CADM2: variants seen among roughly 807,000 people sequenced by gnomAD.
The protein encoded by CADM2 is cell adhesion molecule 2.
A neutral mutation model predicts 49.8 loss-of-function variants in CADM2; 12 were observed. The ratio of observed to expected loss-of-function variants is 0.24; its 90% CI spans 0.15 to 0.39. The LOEUF is 0.39. Among genes scored for constraint, CADM2 ranks in the 10% least tolerant of loss-of-function variants. The pLI is 1.00. For synonymous variants in CADM2, 214 were observed against 175.4 expected, an observed-to-expected ratio of 1.22 and a Z score of -1.74; for missense variants, 378 against 492.3, an observed-to-expected ratio of 0.77 and a Z score of 2.20.
chr3:85,492,039 T>C (rs1249603292), intron 1 of CADM2, among the ~76,000 whole-genome samples: 1 of 152,160 alleles, frequency 6.6e-6, no homozygotes, highest in African/African-American at 2.4e-5. Context: ...ATTGCTCTTT[T>C]CATCATAGTT....
At chr3:85,953,695 A>G (rs1723716367) in intron 7 of CADM2, among the ~76,000 whole-genome samples, 1 of 151,046 alleles carries the variant, frequency 6.6e-6, no homozygotes, top group Non-Finnish European at 1.5e-5. Context: ...ACCACAGAGC[A>G]GATATTTATT....
intron 3 of CADM2, among the ~76,000 whole-genome samples, chr3:85,862,230 C>T (rs1189907952): frequency 6.6e-6 from 1 of 152,084 alleles, no homozygotes; most frequent in Non-Finnish European, 1.5e-5. Context: ...TTTTGGTCCT[C>T]TCAATTAGGA....
intron 8 of CADM2, chr3:86,013,490 A>C: frequency 6.2e-7 from 1 of 1,603,314 alleles, no homozygotes; most frequent in Non-Finnish European, 8.5e-7. Flanking sequence ...AGGTTCTGAG[A>C]AAGCGCTTTG....
intron 6 of CADM2, among the ~76,000 whole-genome samples, chr3:85,931,661 T>A (rs1322632927): frequency 6.6e-6 from 1 of 152,098 alleles, no homozygotes; most frequent in Non-Finnish European, 1.5e-5. Context: ...GAATTAAGAT[T>A]TTAAAAATAC....
chr3:85,807,431 A>G (rs2072509213), intron 3 of CADM2, among the ~76,000 whole-genome samples: 1 of 149,136 alleles, frequency 6.7e-6, no homozygotes, highest in Non-Finnish European at 1.5e-5. Context: ...CTGTGGAGGC[A>G]GAGGTTGCAG....
chr3:85,405,160 C>T (rs897981518), intron 1 of CADM2, among the ~76,000 whole-genome samples: 20 of 152,014 alleles, frequency 1.3e-4, no homozygotes, highest in African/African-American at 4.3e-4. Context: ...GCCTTGCTTA[C>T]CCTGAAAGGC....
In CADM2 at chr3:85,863,964, G is replaced by A. The variant is rs1157182372; in HGVS notation, c.239-19327G>A. The stretch of plus-strand genomic sequence containing the variant: ...TTGGTGGTCAGCAAGTAGCATGTGT[G>A]GAATATGGAAGGGCTGCGTGTATTG... On this transcript the variant is annotated intron_variant, in intron 3 of 9. Transcript: ENST00000383699. 3.9e-5 allele frequency among the ~76,000 whole-genome samples: 6 copies of A among 152,088 alleles called. No homozygotes were observed. The South Asian group carries it at 1.0e-3, about 26-fold the overall frequency.
chr3:85,371,027 G>A (rs1470071410), intron 1 of CADM2, among the ~76,000 whole-genome samples: 1 of 152,054 alleles, frequency 6.6e-6, no homozygotes, highest in African/African-American at 2.4e-5. Context: ...TTATACAGGT[G>A]TATAACGTGT....
intron 1 of CADM2, among the ~76,000 whole-genome samples, chr3:85,046,466 GT>G (rs1484264426): frequency 6.6e-6 from 1 of 151,606 alleles, no homozygotes; most frequent in East Asian, 1.9e-4. Flanking sequence ...ATCTTATAAA[GT>G]GTAAAACACA....
At chr3:85,568,396 C>CCTCTTTCTTTCTTTCTCTCT (rs2062335054) in intron 1 of CADM2, among the ~76,000 whole-genome samples, 1 of 102,564 alleles carries the variant, frequency 9.8e-6, no homozygotes, top group African/African-American at 3.0e-5. Context: ...TTCCTTCCTC[C>CCTCTTTCTTTCTTTCTCTCT]CTCTTTCTTT....
intron 3 of CADM2, among the ~76,000 whole-genome samples, chr3:85,880,827 C>T (rs146872903): frequency 3.3e-5 from 5 of 152,256 alleles, no homozygotes; most frequent in African/African-American, 4.8e-5. Context: ...GCTAGCTTTT[C>T]GAAGTTTCCT....
chr3:85,069,403 T>C lies in CADM2; in HGVS notation c.61+109735T>C, dbSNP rs2036641378. 3.9e-5 allele frequency among the ~76,000 whole-genome samples: 6 copies of C among 152,264 alleles called. No individual in the cohort carries two copies. The South Asian group carries it at 1.2e-3, about 32-fold the overall frequency. ...TAATATTTTTTGTCAAAAAGTACTT[T>C]TGCATATTATGCATGTGTAATCAAA... is the stretch of plus-strand genomic sequence containing the variant. On this transcript the variant is annotated intron_variant, in intron 1 of 9. Transcript: ENST00000383699.
intron 4 of CADM2, 44 bp downstream of exon 4, chr3:85,883,487 G>A (rs1488642940): frequency 6.7e-7 from 1 of 1,499,422 alleles, no homozygotes; most frequent in Non-Finnish European, 9.1e-7. Flanking sequence ...AAACCAGAAT[G>A]ATATATATTG....
At chr3:85,228,156 C>T (rs566169310) in intron 1 of CADM2, among the ~76,000 whole-genome samples, 6 of 152,108 alleles carry the variant, frequency 3.9e-5, no homozygotes, top group Non-Finnish European at 2.9e-5. Flanking sequence ...ATTTCCTCAA[C>T]TTGAATGTTG....
At chr3:85,215,116 G>A (rs13078384) in intron 1 of CADM2, among the ~76,000 whole-genome samples, 34,103 of 152,004 alleles carry the variant, frequency 0.22, 4,891 homozygotes, top group Non-Finnish European at 0.32. Context: ...CCCATGGGGA[G>A]TAATGCCTGG....
chr3:85,561,501 C>A (rs972867055), intron 1 of CADM2, among the ~76,000 whole-genome samples: 1 of 152,100 alleles, frequency 6.6e-6, no homozygotes, highest in Non-Finnish European at 1.5e-5. Context: ...AGACTCCCCG[C>A]TTTTTAACAA....
At chr3:86,058,043 T>A (rs1738201428) in intron 8 of CADM2, among the ~76,000 whole-genome samples, 1 of 152,176 alleles carries the variant, frequency 6.6e-6, no homozygotes, top group South Asian at 2.1e-4. Context: ...TTTACATACA[T>A]TGAAAAAAAT....
intron 1 of CADM2, among the ~76,000 whole-genome samples, chr3:85,719,558 A>G (rs1341815792): frequency 6.6e-6 from 1 of 152,230 alleles, no homozygotes; most frequent in Non-Finnish European, 1.5e-5. Flanking sequence ...GAAGAGAATC[A>G]TAAAGAGGAG....
At chr3:85,325,629 G>T (rs2044730004) in intron 1 of CADM2, among the ~76,000 whole-genome samples, 2 of 150,238 alleles carry the variant, frequency 1.3e-5, no homozygotes, top group South Asian at 4.2e-4. Flanking sequence ...GGCGGAGGTT[G>T]CAGTGAGTTG....
Sources: gnomAD v4.1 joint callset for allele counts (sites outside exome capture counted in the v4.1 genomes callset) on GRCh38, gnomAD v4.1.1 for gene constraint, MANE v1.5 for transcripts, NCBI Gene and HGNC (gene_info 2026-07-23, HGNC 2026-07-21) for gene names.